Variants in THRB observed in about 807,000 individuals in gnomAD.
THRB encodes nuclear receptor subfamily 1 group A member 2.
THRB carries 12 observed loss-of-function variants against 47.8 expected under a neutral mutation model. The observed-to-expected ratio is 0.25, with a 90% CI of 0.16 to 0.41. The LOEUF is 0.41. THRB is among the 10% of genes least tolerant of loss of function. The pLI is 1.00. For synonymous variants in THRB, 218 were observed against 212.2 expected (o/e 1.03, Z -0.24); for missense variants, 348 against 589.2 (o/e 0.59, Z 4.24).
At chr3:24,190,021 T>C in intron 5 of THRB, 53 bp downstream of exon 5, 2 of 1,548,888 alleles carry the variant, frequency 1.3e-6, no homozygotes, top group Non-Finnish European at 1.8e-6. Context: ...ACAACAGGGA[T>C]ATTTTTTTTC....
intron 8 of THRB, among the ~76,000 whole-genome samples, chr3:24,133,719 GAGAT>G (rs747173265): frequency 1.5e-4 from 22 of 145,552 alleles, no homozygotes; most frequent in African/African-American, 5.2e-4. Flanking sequence ...GAGAGAGAGA[GAGAT>G]CAGAGAAAGG....
chr3:24,167,788 C>T lies in THRB; in HGVS notation c.284-15298G>A, dbSNP rs917589111. Among the ~76,000 whole-genome samples, 14 of 151,886 alleles carry T rather than the reference C, an allele frequency of 9.2e-5. 1 individual carries two copies. The highest frequency in any genetic ancestry group is 5.9e-4 in the Admixed American group (9 of 15,230). ...TGCTTTTCATCAGTAACAATATCAA[C>T]GAAAATCAGAGACTCAACTTTTATT... On this transcript the variant is annotated intron_variant, in intron 5 of 10. Coordinates refer to ENST00000646209, the MANE Select transcript of THRB (RefSeq NM_001354712.2).
At chr3:24,431,944 T>C (rs2070467601) in intron 1 of THRB, among the ~76,000 whole-genome samples, 1 of 152,102 alleles carries the variant, frequency 6.6e-6, no homozygotes, top group African/African-American at 2.4e-5. Context: ...AGCCAAATTT[T>C]AGAATATATT....
chr3:24,204,545 G>T (rs928471702), intron 4 of THRB, among the ~76,000 whole-genome samples: 2 of 152,158 alleles, frequency 1.3e-5, no homozygotes, highest in Admixed American at 6.5e-5. Flanking sequence ...AAACCACAAA[G>T]ATGGGGAAAA....
At chr3:24,372,272 T>C (rs2064975602) in intron 1 of THRB, among the ~76,000 whole-genome samples, 3 of 152,112 alleles carry the variant, frequency 2.0e-5, no homozygotes, top group Non-Finnish European at 4.4e-5. Context: ...ACAGCTAATT[T>C]CAAGCTACCA....
chr3:24,291,354 C>T (rs956548335), intron 3 of THRB, among the ~76,000 whole-genome samples: 2 of 152,152 alleles, frequency 1.3e-5, no homozygotes, highest in African/African-American at 4.8e-5. Context: ...AAAGTGCAAA[C>T]TCCTCTTTGC....
intron 8 of THRB, among the ~76,000 whole-genome samples, chr3:24,142,398 T>C (rs974706544): frequency 1.3e-5 from 2 of 152,240 alleles, no homozygotes; most frequent in African/African-American, 4.8e-5. Flanking sequence ...ATTGTGTCAG[T>C]ACAGGTGAAT....
At chr3:24,398,866 G>A (rs947745413) in intron 1 of THRB, among the ~76,000 whole-genome samples, 2 of 152,040 alleles carry the variant, frequency 1.3e-5, no homozygotes. Flanking sequence ...AAGAAAATGT[G>A]GCACATATAC....
intron 2 of THRB, among the ~76,000 whole-genome samples, chr3:24,333,651 T>C (rs1211442735): frequency 6.6e-6 from 1 of 152,214 alleles, no homozygotes; most frequent in Admixed American, 6.5e-5. Flanking sequence ...GCACAGTATG[T>C]GTGGGTTAAA....
At chr3:24,176,443 TAATG>T (rs908179764) in intron 5 of THRB, among the ~76,000 whole-genome samples, 2 of 152,162 alleles carry the variant, frequency 1.3e-5, no homozygotes, top group Non-Finnish European at 2.9e-5. Flanking sequence ...ATAATAGGAA[TAATG>T]AATGAACAAT....
chr3:24,392,221 T>C (rs2066631034), intron 1 of THRB, among the ~76,000 whole-genome samples: 1 of 152,164 alleles, frequency 6.6e-6, no homozygotes, highest in African/African-American at 2.4e-5. Flanking sequence ...TTTTCCCAGA[T>C]GAAAATTCTA....
At chr3:24,204,907 T>C (rs569442642) in intron 4 of THRB, among the ~76,000 whole-genome samples, 7 of 152,092 alleles carry the variant, frequency 4.6e-5, no homozygotes, top group Admixed American at 1.3e-4. Context: ...GTATCAGTGA[T>C]TGAAGATCAA....
chr3:24,358,316 T>A (rs973111881), intron 1 of THRB, among the ~76,000 whole-genome samples: 4 of 152,144 alleles, frequency 2.6e-5, no homozygotes, highest in Non-Finnish European at 4.4e-5. Flanking sequence ...CTGTCCTTTA[T>A]TTTGTAGCTT....
intron 1 of THRB, among the ~76,000 whole-genome samples, chr3:24,398,381 A>G (rs909420210): frequency 4.6e-5 from 7 of 152,234 alleles, no homozygotes; most frequent in Non-Finnish European, 8.8e-5. Flanking sequence ...AAACAAATTT[A>G]CAAGAAAAAA....
At chr3:24,416,149 TA>T (rs2068714626) in intron 1 of THRB, among the ~76,000 whole-genome samples, 1 of 151,814 alleles carries the variant, frequency 6.6e-6, no homozygotes, top group Admixed American at 6.6e-5. Context: ...TATATAAACG[TA>T]CTTTTAATTT....
chr3:24,219,494 G>A (rs2046948898), intron 4 of THRB, among the ~76,000 whole-genome samples: 1 of 152,154 alleles, frequency 6.6e-6, no homozygotes, highest in Non-Finnish European at 1.5e-5. Flanking sequence ...AAGTGAAGAT[G>A]CTGATGTTCA....
chr3:24,130,559 G>A lies in THRB; in HGVS notation c.885+2757C>T, dbSNP rs562261802. On this transcript the variant is annotated intron_variant, in intron 9 of 10. Coordinates refer to ENST00000646209, the MANE Select transcript of THRB (RefSeq NM_001354712.2). ...TTCCTCCTCAGACCCAAGAACTGGG[G>A]GCAAAGGGACACAGCCAGAGAGAGG... Among the ~76,000 whole-genome samples, 5 of 152,212 alleles carry A rather than the reference G, an allele frequency of 3.3e-5. No individual in the cohort carries two copies. The South Asian group carries it at 1.0e-3, about 32-fold the overall frequency.
At chr3:24,273,320 A>G (rs888056372) in intron 3 of THRB, among the ~76,000 whole-genome samples, 2 of 152,212 alleles carry the variant, frequency 1.3e-5, no homozygotes, top group Non-Finnish European at 2.9e-5. Context: ...TCAGTGGACA[A>G]TATAGATTTC....
chr3:24,382,267 T>A (rs1329525173), intron 1 of THRB, among the ~76,000 whole-genome samples: 5 of 151,990 alleles, frequency 3.3e-5, no homozygotes, highest in East Asian at 1.9e-4. Flanking sequence ...GGAAAAAAAA[T>A]AAAATAAAGT....
Sources: gnomAD v4.1 joint callset for allele counts (sites outside exome capture counted in the v4.1 genomes callset) on GRCh38, gnomAD v4.1.1 for gene constraint, MANE v1.5 for transcripts, NCBI Gene and HGNC (gene_info 2026-07-23, HGNC 2026-07-21) for gene names.